Variants in NALF1 observed in about 807,000 individuals in gnomAD.
The protein encoded by NALF1 is NALCN channel auxiliary factor 1, also known as family with sequence similarity 155 member A.
In NALF1, 3 loss-of-function variants were observed where a neutral mutation model predicts 48.4. That is an observed-to-expected ratio of 0.06 (90% CI 0.03 to 0.16). NALF1 has a LOEUF of 0.16. Ranked by LOEUF, NALF1 falls within the 10% of genes least tolerant of loss-of-function variation. The pLI, the probability that NALF1 is intolerant of heterozygous loss-of-function variation, is 1.00. For missense variants in NALF1, 526 were observed against 571.5 expected, an observed-to-expected ratio of 0.92 and a Z score of 0.81; for synonymous variants, 262 against 245.7, an observed-to-expected ratio of 1.07 and a Z score of -0.62.
intron 1 of NALF1, among the ~76,000 whole-genome samples, chr13:107,334,754 A>G (rs1367805772): frequency 6.6e-6 from 1 of 152,222 alleles, no homozygotes; most frequent in Non-Finnish European, 1.5e-5. Context: ...CACACTAATT[A>G]GAAGCAGTTA....
At chr13:107,432,549 T>C (rs1025170261) in intron 1 of NALF1, among the ~76,000 whole-genome samples, 2 of 152,092 alleles carry the variant, frequency 1.3e-5, no homozygotes, top group African/African-American at 4.8e-5. Flanking sequence ...CCCCGGGTGA[T>C]TGAAATATGC....
At chr13:107,679,937 G>A (rs1194910845) in intron 1 of NALF1, among the ~76,000 whole-genome samples, 1 of 152,206 alleles carries the variant, frequency 6.6e-6, no homozygotes, top group Non-Finnish European at 1.5e-5. Context: ...CACGTTCACA[G>A]CTCTTCTTTT....
At chr13:107,787,249 A>C (rs1045941046) in intron 1 of NALF1, among the ~76,000 whole-genome samples, 1 of 152,220 alleles carries the variant, frequency 6.6e-6, no homozygotes, top group Non-Finnish European at 1.5e-5. Context: ...AGAAATCCAT[A>C]TATATGCATA....
intron 1 of NALF1, among the ~76,000 whole-genome samples, chr13:107,263,829 C>G (rs1054671587): frequency 6.6e-6 from 1 of 152,156 alleles, no homozygotes; most frequent in African/African-American, 2.4e-5. Flanking sequence ...AATTATATCT[C>G]TTTCCTAGGA....
Position 107,431,491 on chromosome 13 carries a change from T to C in NALF1, c.916-220736A>G, listed in dbSNP as rs1012197937. ...CATGATGCCATTTCATTTGAATGCA[T>C]AGCATAACTTGAATTGAATGGCTAT... On this transcript the variant is annotated intron_variant, in intron 1 of 2. Coordinates refer to ENST00000375915, the MANE Select transcript of NALF1 (RefSeq NM_001080396.3). Among the ~76,000 whole-genome samples the C allele has an allele frequency of 2.6e-5, 4 of 152,216 alleles. No individual in the cohort carries two copies. In the East Asian group the frequency reaches 5.8e-4, roughly 22 times the overall value.
chr13:107,591,223 G>A (rs1878595330), intron 1 of NALF1, among the ~76,000 whole-genome samples: 1 of 151,864 alleles, frequency 6.6e-6, no homozygotes. Flanking sequence ...GTATAAGATC[G>A]AGTATGGATG....
Position 107,210,579 on chromosome 13 carries a change from T to C in NALF1, c.1087+5A>G, listed in dbSNP as rs1385900756. On this transcript the variant is annotated splice_donor_5th_base_variant and intron_variant, in intron 2 of 2. Transcript: ENST00000375915. ...TGGTGTACAGACTCCCACCCGGCAC[T>C]GTACCTGTACAGATGAAACTGGAGA... is the stretch of plus-strand genomic sequence containing the variant. 1.2e-6 allele frequency: 2 copies of C among 1,605,512 alleles called. No homozygotes were observed. Among genetic ancestry groups the C allele is most frequent in the Admixed American group, 1.7e-5 (1 of 59,904 alleles).
intron 1 of NALF1, among the ~76,000 whole-genome samples, chr13:107,751,803 C>A (rs1414258988): frequency 6.6e-6 from 1 of 152,056 alleles, no homozygotes; most frequent in Non-Finnish European, 1.5e-5. Flanking sequence ...CAAGCCTAGC[C>A]AATGTTTTAC....
chr13:107,848,234 G>A (rs1880221526), intron 1 of NALF1, among the ~76,000 whole-genome samples: 1 of 152,102 alleles, frequency 6.6e-6, no homozygotes, highest in Non-Finnish European at 1.5e-5. Flanking sequence ...GAGCAAATTT[G>A]CACTAATACT....
chr13:107,285,808 A>T (rs930224443), intron 1 of NALF1, among the ~76,000 whole-genome samples: 3 of 152,078 alleles, frequency 2.0e-5, no homozygotes, highest in Middle Eastern at 3.2e-3. Flanking sequence ...GCTGAGAGAG[A>T]GTCAAAGATT....
chr13:107,666,598 C>T (rs768300648), intron 1 of NALF1, among the ~76,000 whole-genome samples: 4 of 152,126 alleles, frequency 2.6e-5, no homozygotes, highest in Non-Finnish European at 5.9e-5. Context: ...ATGGCCTTGA[C>T]TATTGTTTTG....
At chr13:107,189,915 G>C (rs539357063) in intron 2 of NALF1, among the ~76,000 whole-genome samples, 1 of 152,178 alleles carries the variant, frequency 6.6e-6, no homozygotes, top group Non-Finnish European at 1.5e-5. Flanking sequence ...GTGTGTCTTC[G>C]TGTTGAGTGC....
At chr13:107,279,980 T>C (rs1315975390) in intron 1 of NALF1, among the ~76,000 whole-genome samples, 1 of 152,068 alleles carries the variant, frequency 6.6e-6, no homozygotes, top group Non-Finnish European at 1.5e-5. Context: ...ATTATAGAGA[T>C]GAGGTCTTGC....
intron 1 of NALF1, among the ~76,000 whole-genome samples, chr13:107,403,696 T>C (rs1325240940): frequency 4.1e-5 from 6 of 147,896 alleles, no homozygotes; most frequent in South Asian, 2.1e-4. Context: ...CACAAGGAAA[T>C]AGAAGGCCTT....
intron 1 of NALF1, among the ~76,000 whole-genome samples, chr13:107,366,604 C>T (rs1283442506): frequency 6.6e-6 from 1 of 152,206 alleles, no homozygotes; most frequent in African/African-American, 2.4e-5. Flanking sequence ...ATTTGGACCA[C>T]ACTTTCAACT....
At chr13:107,689,304 C>T (rs757055169) in intron 1 of NALF1, among the ~76,000 whole-genome samples, 2 of 152,162 alleles carry the variant, frequency 1.3e-5, no homozygotes, top group Non-Finnish European at 2.9e-5. Context: ...TTCTCTTTTC[C>T]TGTACTCAGA....
intron 1 of NALF1, among the ~76,000 whole-genome samples, chr13:107,339,991 G>A (rs1471468654): frequency 6.6e-6 from 1 of 151,736 alleles, no homozygotes; most frequent in African/African-American, 2.4e-5. Flanking sequence ...CTATTCTCAA[G>A]TAATTGTCAT....
chr13:107,299,899 C>T (rs982553293), intron 1 of NALF1, among the ~76,000 whole-genome samples: 1 of 152,100 alleles, frequency 6.6e-6, no homozygotes, highest in Admixed American at 6.6e-5. Flanking sequence ...TTTCTGCAGC[C>T]ACAAAAAGCT....
chr13:107,652,478 T>TCAA (rs1880472364), intron 1 of NALF1, among the ~76,000 whole-genome samples: 1 of 152,176 alleles, frequency 6.6e-6, no homozygotes, highest in East Asian at 1.9e-4. Flanking sequence ...CCTATGAAAT[T>TCAA]CAACATATTT....
Sources: allele counts gnomAD v4.1 joint callset (sites outside exome capture counted in the v4.1 genomes callset), GRCh38; gene constraint gnomAD v4.1.1; transcripts MANE v1.5; gene names NCBI Gene and HGNC (gene_info 2026-07-23, HGNC 2026-07-21).